CAPN12: variants seen among roughly 807,000 people sequenced by gnomAD.
The protein encoded by CAPN12 is calpain-12.
A neutral mutation model predicts 95.0 loss-of-function variants in CAPN12; 107 were observed. The observed-to-expected ratio is 1.13, with a 90% CI of 0.96 to 1.32. The LOEUF (loss-of-function observed/expected upper bound fraction) is 1.32, where lower values mean the gene tolerates loss of function less well. CAPN12 is among the 40% of genes most tolerant of loss of function. CAPN12 has a pLI of 0.00. For missense variants in CAPN12, 1,136 were observed against 997.8 expected, an observed-to-expected ratio of 1.14 and a Z score of -1.87; for synonymous variants, 505 against 415.5, an observed-to-expected ratio of 1.22 and a Z score of -2.62.
chr19:38,741,138 C>G (rs771641720), intron 4 of CAPN12, among the ~76,000 whole-genome samples: 23 of 152,102 alleles, frequency 1.5e-4, no homozygotes, highest in Non-Finnish European at 2.9e-4. Context: ...CTAAGATATA[C>G]AGCTCACCCG....
At chr19:38,740,746 G>A (rs1407081763) in intron 4 of CAPN12, among the ~76,000 whole-genome samples, 5 of 151,466 alleles carry the variant, frequency 3.3e-5, no homozygotes, top group African/African-American at 9.7e-5. Context: ...GTTGCAGTGA[G>A]CCAAGATCAC....
chr19:38,735,292 G>T, intron 14 of CAPN12, 78 bp downstream of exon 14: 1 of 1,389,824 alleles, frequency 7.2e-7, no homozygotes, highest in Non-Finnish European at 9.7e-7. Context: ...AGACACCTGA[G>T]ATGCTGGGGT....
At chr19:38,739,996 CCT>C (rs983704237) in intron 5 of CAPN12, 53 bp downstream of exon 5, 15 of 1,485,362 alleles carry the variant, frequency 1.0e-5, no homozygotes, top group African/African-American at 9.8e-5. Context: ...CCACCACACC[CCT>C]GACTGTGCTC....
At chr19:38,738,549 CA>C in intron 6 of CAPN12, 24 bp downstream of exon 6, 1 of 1,613,866 alleles carries the variant, frequency 6.2e-7, no homozygotes, top group Non-Finnish European at 8.5e-7. Flanking sequence ...CATGGCCTGC[CA>C]CCCCACCCAT....
chr19:38,737,121 G>GT (rs1200505829), intron 10 of CAPN12, 35 bp downstream of exon 10: 1 of 1,506,226 alleles, frequency 6.6e-7, no homozygotes, highest in African/African-American at 1.4e-5. Context: ...CACCCTCCGG[G>GT]TTCCCTCCAG....
chr19:38,738,817 G>A (rs1970378025), intron 5 of CAPN12, 169 bp from the exon 6 acceptor site: 10 of 621,154 alleles, frequency 1.6e-5, no homozygotes, highest in Admixed American at 8.3e-5. Flanking sequence ...AAAGAGAAAA[G>A]GAGAGGAAGG....
chr19:38,730,711 C>A lies in CAPN12; in HGVS notation c.*141G>T. The A allele has an allele frequency of 9.6e-7, 1 of 1,041,740 alleles. No homozygotes were observed. Among genetic ancestry groups the A allele is most frequent in the Non-Finnish European group, 1.4e-6 (1 of 707,888 alleles). The allele number at this position is 1,041,740 out of a possible 1,614,324, so 64.5% of individuals were successfully genotyped here. Reference sequence around the variant, plus strand: ...GAGTACGCAGGCCAGAGTGGTCACCCGGCCGTGAGCAGTGAGGGCCAGAGA... The same window carrying A: ...GAGTACGCAGGCCAGAGTGGTCACCAGGCCGTGAGCAGTGAGGGCCAGAGA... On this transcript the variant is annotated 3_prime_UTR_variant, in exon 21 of 21. Coordinates refer to ENST00000328867, the MANE Select transcript of CAPN12 (RefSeq NM_144691.4).
chr19:38,737,364 A>G lies in CAPN12; in HGVS notation c.1154T>C (p.Phe385Ser), dbSNP rs1274428210. The G allele has an allele frequency of 6.3e-7, 1 of 1,578,292 alleles. No homozygotes were observed. Among genetic ancestry groups the G allele is most frequent in the Non-Finnish European group, 8.6e-7 (1 of 1,160,330 alleles). Residue 385 changes from phenylalanine to serine, a missense_variant, in exon 10 of 21, where the codon TTC becomes TCC. Physicochemically the swap from Phe to Ser is radical, Grantham distance 155. Coordinates refer to ENST00000328867, the MANE Select transcript of CAPN12 (RefSeq NM_144691.4). ...ATCAGGCTCCAGCAGCGTTAAACGG[A>G]ACTGAGGATTGGTCCAGAAGGTTTC... ...NAETFWTNPQ[F>S]RLTLLEPDEE...
At position 38,740,213 on chromosome 19, in the gene CAPN12, G is replaced by C; in HGVS notation, c.567C>G (p.His189Gln). Residue 189 changes from histidine to glutamine, a missense_variant, in exon 5 of 21, where the codon CAC becomes CAG. Physicochemically the swap from His to Gln is conservative, Grantham distance 24. Coordinates refer to ENST00000328867, the MANE Select transcript of CAPN12 (RefSeq NM_144691.4). ...PLLEKAYAKL[H>Q]GSYEVMRGGH... Reference sequence around the variant, plus strand: ...CGCCCCGCATCACCTCATAGGAGCCGTGGAGCCTGTGGGGGCAGATCTGGG... The same window carrying C: ...CGCCCCGCATCACCTCATAGGAGCCCTGGAGCCTGTGGGGGCAGATCTGGG... 5 of 1,602,952 alleles carry C rather than the reference G, an allele frequency of 3.1e-6. No individual in the cohort carries two copies. The highest frequency in any genetic ancestry group is 4.3e-6 in the Non-Finnish European group (5 of 1,174,686).
intron 18 of CAPN12, 88 bp downstream of exon 18, chr19:38,733,615 G>T: frequency 8.2e-7 from 1 of 1,218,856 alleles, no homozygotes; most frequent in Non-Finnish European, 1.2e-6. Context: ...CAGTGCAGAC[G>T]GCCACAGCTG....
chr19:38,731,639 C>G, intron 18 of CAPN12: 1 of 232,420 alleles, frequency 4.3e-6, no homozygotes, highest in Admixed American at 4.8e-5. Context: ...AGCTGAGAAA[C>G]CATGTCTGCT....
At chr19:38,736,074 C>G in intron 12 of CAPN12, 36 bp downstream of exon 12, 1 of 1,405,902 alleles carries the variant, frequency 7.1e-7, no homozygotes, top group Non-Finnish European at 9.3e-7. Context: ...CCTGTCTAGG[C>G]AGGGATGGGG....
Position 38,736,224 on chromosome 19 carries a change from G to A in CAPN12, c.1469C>T (p.Thr490Ile). The A allele has an allele frequency of 6.7e-7, 1 of 1,499,056 alleles. No individual in the cohort carries two copies. The highest frequency in any genetic ancestry group is 2.2e-5 in the Admixed American group (1 of 46,272). The allele number at this position is 1,499,056 out of a possible 1,614,324, so 92.9% of individuals were successfully genotyped here. The change falls in exon 12 of 21, where the codon ACC becomes ATC. Residue 490 changes from threonine (T) to isoleucine (I), a missense_variant. By Grantham distance (89) the Thr-to-Ile change is moderately conservative (BLOSUM62 -1). Coordinates refer to ENST00000328867, the MANE Select transcript of CAPN12 (RefSeq NM_144691.4). ...RSPLSARRDVTRRCCLRPGHY... is the reference protein window; with the variant it reads ...RSPLSARRDVIRRCCLRPGHY... ...GCCTGGACGCAGGCAGCAGCGGCGGGTCACGTCGCGGCGGGCGCTGAGGGG... is the reference window on the plus strand; with the variant it reads ...GCCTGGACGCAGGCAGCAGCGGCGGATCACGTCGCGGCGGGCGCTGAGGGG...
chr19:38,735,209 GGGA>G (rs1214005233), intron 14 of CAPN12, 158 bp downstream of exon 14: 5 of 710,294 alleles, frequency 7.0e-6, no homozygotes, highest in African/African-American at 1.8e-5. Context: ...CCCTGAGGCA[GGGA>G]GGAGCTGTGA....
chr19:38,735,556 A>AGATGGGAAGTGGG lies in CAPN12; in HGVS notation c.1584-25_1584-13dup, dbSNP rs1376934076. ...CGTCGTCGATCTCCCTGCAAATTAC[A>AGATGGGAAGTGGG]GATGGGAAGTGGGGAGGGGGCTGTT... On this transcript the variant is annotated splice_polypyrimidine_tract_variant and intron_variant, in intron 12 of 20. Transcript: ENST00000328867. The AGATGGGAAGTGGG allele has an allele frequency of 6.8e-6, 11 of 1,607,182 alleles. No individual in the cohort carries two copies. The highest frequency in any genetic ancestry group is 2.2e-5 in the East Asian group (1 of 44,450).
In CAPN12 at chr19:38,736,122, C is replaced by A; in HGVS notation, c.1571G>T (p.Arg524Leu). 1.3e-6 allele frequency: 2 copies of A among 1,502,102 alleles called. No homozygotes were observed. The highest frequency in any genetic ancestry group is 1.8e-6 in the Non-Finnish European group (2 of 1,129,124). 93.0% of individuals were successfully genotyped at this position (1,502,102 alleles called of 1,614,324 possible). A position where few individuals can be genotyped will look rare whatever the true frequency, so the allele number is the denominator to read the frequency against. ...GCCCGGGGCTCACACGGCCGTGTGG[C>A]GGCGCTCGGAGAAGACACGCAGAGT... The part of the protein sequence containing the change: ...DFTLRVFSER[R>L]HTAVEIDDVI... The change falls in exon 12 of 21, where the codon CGC (arginine) becomes CTC (leucine). Residue 524 changes from arginine to leucine, a missense_variant. By Grantham distance (102) the Arg-to-Leu change is moderately radical. Coordinates refer to ENST00000328867, the MANE Select transcript of CAPN12 (RefSeq NM_144691.4).
intron 11 of CAPN12, 70 bp from the exon 12 acceptor site, chr19:38,736,388 G>T (rs1051320503): frequency 4.1e-6 from 6 of 1,478,172 alleles, no homozygotes; most frequent in Admixed American, 2.2e-5. Context: ...CCTCCAGCGC[G>T]CCCCGTCCAC....
chr19:38,736,406 A>G, intron 11 of CAPN12, 88 bp from the exon 12 acceptor site: 1 of 1,504,888 alleles, frequency 6.6e-7, no homozygotes, highest in South Asian at 1.2e-5. Flanking sequence ...CACCCTGCCT[A>G]ACCCCTGTCC....
At chr19:38,732,899 AT>A (rs1475994301) in intron 18 of CAPN12, among the ~76,000 whole-genome samples, 1 of 152,142 alleles carries the variant, frequency 6.6e-6, no homozygotes, top group African/African-American at 2.4e-5. Flanking sequence ...CTTGGAGCCC[AT>A]GGAAAGCCTT....
Sources: gnomAD v4.1 joint callset for allele counts (sites outside exome capture counted in the v4.1 genomes callset) on GRCh38, gnomAD v4.1.1 for gene constraint, MANE v1.5 for transcripts, NCBI Gene and HGNC (gene_info 2026-07-23, HGNC 2026-07-21) for gene names.